Variants in CDK17 observed in about 807,000 individuals in gnomAD.
CDK17 encodes cyclin dependent kinase 17.
In CDK17, 24 loss-of-function variants were observed where a neutral mutation model predicts 77.6. The ratio of observed to expected loss-of-function variants is 0.31; its 90% CI spans 0.22 to 0.44. The LOEUF is 0.44. Ranked by LOEUF, CDK17 falls within the 20% of genes least tolerant of loss-of-function variation. The probability of loss-of-function intolerance (pLI) is 1.00; values close to 1 mark genes in which losing one functional copy is unlikely to be tolerated. For synonymous variants in CDK17, 203 were observed against 210.4 expected, an observed-to-expected ratio of 0.96 and a Z score of 0.30; for missense variants, 429 against 622.5, an observed-to-expected ratio of 0.69 and a Z score of 3.31.
chr12:96,286,651 TTTCTTCTGTTACC>T lies in CDK17; in HGVS notation c.1216_1216+12del. ...TGGGTGCAAAATCACTGGGAAAAGA[TTTCTTCTGTTACC>T]TAGCAGTCGGAAAATTAAGTGCAGT... On this transcript the variant is annotated splice_donor_variant and splice_donor_5th_base_variant and coding_sequence_variant and intron_variant, in exon 12 of 17. Transcript: ENST00000261211. LOFTEE classifies it high-confidence loss of function. 6.3e-7 allele frequency: 1 copy of T among 1,596,188 alleles called. No homozygotes were observed. Among genetic ancestry groups the T allele is most frequent in the Non-Finnish European group, 8.6e-7 (1 of 1,164,068 alleles).
rs184497038 is a variant in CDK17 at position 96,368,117 on chromosome 12, A to T, written c.-30+31869T>A. 2.1e-3 allele frequency among the ~76,000 whole-genome samples: 322 copies of T among 152,150 alleles called. 3 individuals carry two copies. The highest frequency in any genetic ancestry group is 3.6e-3 in the Admixed American group (55 of 15,282). ...AAAAGTTCAATAGGAAAAAAAAAAG[A>T]GTGTGTGGAAGGGAAGGAATTATTT... is the stretch of plus-strand genomic sequence containing the variant. On this transcript the variant is annotated intron_variant, in intron 1 of 16. Transcript: ENST00000261211.
chr12:96,395,729 C>T (rs905523441), intron 1 of CDK17, among the ~76,000 whole-genome samples: 1 of 152,076 alleles, frequency 6.6e-6, no homozygotes, highest in Non-Finnish European at 1.5e-5. Context: ...TAGATTAGGT[C>T]CTAAGAGTGA....
intron 2 of CDK17, among the ~76,000 whole-genome samples, chr12:96,324,839 C>T (rs1384291579): frequency 6.6e-6 from 1 of 151,816 alleles, no homozygotes; most frequent in Non-Finnish European, 1.5e-5. Flanking sequence ...AAGGAATTTA[C>T]ATCCCTGTTT....
intron 11 of CDK17, among the ~76,000 whole-genome samples, chr12:96,288,059 G>C (rs1952269203): frequency 1.3e-5 from 2 of 152,124 alleles, no homozygotes; most frequent in Non-Finnish European, 2.9e-5. Flanking sequence ...AGTGGGTACA[G>C]AGTTTTGGTT....
chr12:96,396,575 C>T (rs1178337664), intron 1 of CDK17, among the ~76,000 whole-genome samples: 1 of 152,292 alleles, frequency 6.6e-6, no homozygotes, highest in South Asian at 2.1e-4. Flanking sequence ...ATGAAATATA[C>T]TTTAAATACC....
chr12:96,302,941 T>A (rs1211999041), intron 5 of CDK17: 2 of 152,208 alleles, frequency 1.3e-5, no homozygotes, highest in Non-Finnish European at 2.9e-5. Flanking sequence ...ATTACACTAG[T>A]GAATTGTCTG....
intron 1 of CDK17, among the ~76,000 whole-genome samples, chr12:96,340,641 C>G (rs1461270912): frequency 2.6e-5 from 4 of 152,098 alleles, no homozygotes; most frequent in Admixed American, 2.6e-4. Flanking sequence ...AGAACAAAGG[C>G]ACATATGCTA....
chr12:96,373,635 T>C (rs1403365483), intron 1 of CDK17, among the ~76,000 whole-genome samples: 2 of 148,816 alleles, frequency 1.3e-5, no homozygotes, highest in African/African-American at 5.0e-5. Context: ...AACAATTACC[T>C]CAATGGCTGG....
At chr12:96,379,570 C>CACACATT (rs1277065486) in intron 1 of CDK17, among the ~76,000 whole-genome samples, 1 of 151,870 alleles carries the variant, frequency 6.6e-6, no homozygotes, top group Non-Finnish European at 1.5e-5. Context: ...GGACTGCAGG[C>CACACATT]ACACATTACT....
intron 14 of CDK17, 151 bp downstream of exon 14, chr12:96,283,452 T>G (rs1952204363): frequency 6.3e-6 from 4 of 635,024 alleles, no homozygotes; most frequent in African/African-American, 1.9e-5. Flanking sequence ...ACCATGTTTT[T>G]TTTTTTTTTT....
rs184698902 is a variant in CDK17 at position 96,360,263 on chromosome 12, G to A, written c.-29-25398C>T. 4.6e-5 allele frequency among the ~76,000 whole-genome samples: 7 copies of A among 152,294 alleles called. No homozygotes were observed. In the East Asian group the frequency reaches 9.6e-4, roughly 21 times the overall value. ...AGGAAACAGGGTTCACTCTACAAGC[G>A]TAATGGAGGTGGAAGGGTTGACGGG... On this transcript the variant is annotated intron_variant, in intron 1 of 16. Coordinates refer to ENST00000261211, the MANE Select transcript of CDK17 (RefSeq NM_002595.5).
chr12:96,293,119 G>A (rs1483663291), intron 10 of CDK17, among the ~76,000 whole-genome samples: 1 of 152,168 alleles, frequency 6.6e-6, no homozygotes, highest in Non-Finnish European at 1.5e-5. Flanking sequence ...TATGCAGCAT[G>A]TATGACATTT....
intron 1 of CDK17, among the ~76,000 whole-genome samples, chr12:96,342,363 A>G (rs926151339): frequency 6.6e-6 from 1 of 152,242 alleles, no homozygotes; most frequent in Non-Finnish European, 1.5e-5. Flanking sequence ...AACTTTTTTC[A>G]TTAGAGACAA....
At chr12:96,313,508 T>G in intron 3 of CDK17, 54 bp from the exon 4 acceptor site, 5 of 1,000,448 alleles carry the variant, frequency 5.0e-6, no homozygotes, top group Non-Finnish European at 6.9e-6. Flanking sequence ...AATATATAAT[T>G]TATTATCACT....
intron 1 of CDK17, among the ~76,000 whole-genome samples, chr12:96,392,855 GA>G (rs1347274107): frequency 3.3e-5 from 5 of 152,154 alleles, no homozygotes; most frequent in Non-Finnish European, 7.3e-5. Flanking sequence ...ATAAAACCTG[GA>G]AAGAAGGCTG....
At chr12:96,353,575 G>C (rs1195725006) in intron 1 of CDK17, among the ~76,000 whole-genome samples, 1 of 143,402 alleles carries the variant, frequency 7.0e-6, no homozygotes, top group Non-Finnish European at 1.5e-5. Flanking sequence ...TGTACCACCA[G>C]AGCAAATGTC....
At chr12:96,291,122 CAAAAAA>C (rs34053593) in intron 10 of CDK17, among the ~76,000 whole-genome samples, 1 of 131,754 alleles carries the variant, frequency 7.6e-6, no homozygotes, top group Non-Finnish European at 1.6e-5. Context: ...ACTATGCAAC[CAAAAAA>C]AAAAAAAAAA....
chr12:96,283,235 C>A (rs1952199420), intron 14 of CDK17, among the ~76,000 whole-genome samples: 1 of 152,120 alleles, frequency 6.6e-6, no homozygotes, highest in Admixed American at 6.5e-5. Context: ...CTTATCGTCC[C>A]CCCTTATTCC....
intron 10 of CDK17, among the ~76,000 whole-genome samples, chr12:96,290,350 A>G (rs777636460): frequency 3.3e-5 from 5 of 152,236 alleles, no homozygotes; most frequent in Non-Finnish European, 5.9e-5. Context: ...TTATTTTGCC[A>G]AAACAAGGAA....
Sources: allele counts gnomAD v4.1 joint callset (sites outside exome capture counted in the v4.1 genomes callset), GRCh38; gene constraint gnomAD v4.1.1; transcripts MANE v1.5; gene names NCBI Gene and HGNC (gene_info 2026-07-23, HGNC 2026-07-21).